ANXA4: variants seen among roughly 807,000 people sequenced by gnomAD.
ANXA4 encodes annexin A4, also known as 35-beta calcimedin.
Under a neutral mutation model 49.8 loss-of-function variants are expected in ANXA4, and 39 were observed. That is an observed-to-expected ratio of 0.78 (90% CI 0.61 to 1.02). The LOEUF (loss-of-function observed/expected upper bound fraction) is 1.02, where lower values mean the gene tolerates loss of function less well. ANXA4 is among the 50% of genes least tolerant of loss of function. The pLI is 0.00. For missense variants in ANXA4, 360 were observed against 410.1 expected (o/e 0.88, Z 1.05); for synonymous variants, 134 against 152.5 (o/e 0.88, Z 0.89).
chr2:69,726,023 T>C (rs975194306), intron 3 of ANXA4, among the ~76,000 whole-genome samples: 5 of 152,198 alleles, frequency 3.3e-5, no homozygotes, highest in Admixed American at 2.0e-4. Flanking sequence ...TTGAAAATAA[T>C]TTTTCCTGAA....
intron 2 of ANXA4, among the ~76,000 whole-genome samples, chr2:69,785,479 A>G (rs554931154): frequency 6.6e-6 from 1 of 152,292 alleles, no homozygotes; most frequent in African/African-American, 2.4e-5. Context: ...GCTTGTGTGG[A>G]GGTATAATAC....
chr2:69,723,001 T>G (rs1669853802), intron 3 of ANXA4, among the ~76,000 whole-genome samples: 1 of 140,154 alleles, frequency 7.1e-6, no homozygotes, highest in Admixed American at 7.4e-5. Flanking sequence ...TGAAACTCCA[T>G]CTCTACTAAA....
chr2:69,798,431 A>G (rs889772713), intron 3 of ANXA4, among the ~76,000 whole-genome samples: 1 of 152,238 alleles, frequency 6.6e-6, no homozygotes, highest in African/African-American at 2.4e-5. Flanking sequence ...TGGAGATCCT[A>G]TGGCTGACAC....
intron 2 of ANXA4, among the ~76,000 whole-genome samples, chr2:69,679,085 C>T (rs1261475743): frequency 6.6e-6 from 1 of 151,966 alleles, no homozygotes; most frequent in Non-Finnish European, 1.5e-5. Flanking sequence ...ATACACATTA[C>T]ATATTTATTA....
At chr2:69,727,355 A>G (rs992824512) in intron 3 of ANXA4, among the ~76,000 whole-genome samples, 1 of 152,210 alleles carries the variant, frequency 6.6e-6, no homozygotes, top group African/African-American at 2.4e-5. Context: ...GGTTCTACCA[A>G]TTTACATCCC....
intron 2 of ANXA4, among the ~76,000 whole-genome samples, chr2:69,709,918 A>G (rs1189258899): frequency 1.3e-5 from 2 of 151,974 alleles, no homozygotes; most frequent in Non-Finnish European, 2.9e-5. Context: ...AGGTAACTTA[A>G]ACACCAGCCA....
chr2:69,760,307 A>G (rs191488507), intron 1 of ANXA4, among the ~76,000 whole-genome samples: 75 of 152,376 alleles, frequency 4.9e-4, no homozygotes, highest in African/African-American at 1.5e-3. Context: ...GTCGTTTTTG[A>G]ATACACATAT....
chr2:69,740,462 T>A (rs1352983402), upstream of ANXA4, among the ~76,000 whole-genome samples: 2 of 152,010 alleles, frequency 1.3e-5, no homozygotes, highest in Non-Finnish European at 2.9e-5. Flanking sequence ...TTTGTTTTTG[T>A]TTTTGTTTTG....
At chr2:69,747,720 C>G (rs987021921) in intron 1 of ANXA4, among the ~76,000 whole-genome samples, 4 of 152,134 alleles carry the variant, frequency 2.6e-5, no homozygotes, top group Admixed American at 2.6e-4. Flanking sequence ...GGGTCTTGCT[C>G]TGTAGTCCAG....
Position 69,670,168 on chromosome 2 carries a change from G to A in ANXA4, n.766+16886G>A, listed in dbSNP as rs1160385726. ...TAAAAAATGACAAATGGCCAGGCAC[G>A]GTGGCTCATGCCTGTAATCCCAGCA... is the stretch of plus-strand genomic sequence containing the variant. On this transcript the variant is annotated intron_variant and non_coding_transcript_variant, in intron 2 of 3. Transcript: ENST00000418066. Among the ~76,000 whole-genome samples the A allele has an allele frequency of 4.6e-5, 7 of 152,056 alleles. No homozygotes were observed. The East Asian group carries it at 9.6e-4, about 21-fold the overall frequency.
rs1672775009 is a variant in ANXA4 at position 69,793,214 on chromosome 2, T to C, written c.97+5073T>C. Among the ~76,000 whole-genome samples, 4 of 139,866 alleles carry C rather than the reference T, an allele frequency of 2.9e-5. 1 individual carries two copies. Among genetic ancestry groups the C allele is most frequent in the Admixed American group, 1.7e-4 (2 of 11,776 alleles). 91.8% of individuals were successfully genotyped at this position (139,866 alleles called of 152,430 possible). ...TTGCAGTGGGCCAAGATCGCACTACTGCACTCCAGTCTGGCGACAGAGCAA... is the reference window on the plus strand; with the variant it reads ...TTGCAGTGGGCCAAGATCGCACTACCGCACTCCAGTCTGGCGACAGAGCAA... On this transcript the variant is annotated intron_variant, in intron 3 of 12. Coordinates refer to ENST00000394295, the MANE Select transcript of ANXA4 (RefSeq NM_001153.5).
At chr2:69,824,087 T>C (rs1674357458) in intron 12 of ANXA4, among the ~76,000 whole-genome samples, 1 of 151,846 alleles carries the variant, frequency 6.6e-6, no homozygotes, top group Non-Finnish European at 1.5e-5. Flanking sequence ...TCTAAAAATA[T>C]AATAAAAATA....
intron 3 of ANXA4, among the ~76,000 whole-genome samples, chr2:69,726,594 A>G (rs1669968630): frequency 6.6e-6 from 1 of 152,228 alleles, no homozygotes; most frequent in Non-Finnish European, 1.5e-5. Flanking sequence ...AAGTGAACAC[A>G]ACCATGTAAT....
intron 3 of ANXA4, among the ~76,000 whole-genome samples, chr2:69,724,786 C>T (rs1669915444): frequency 1.1e-5 from 1 of 93,088 alleles, no homozygotes. Context: ...TGAACTCATT[C>T]GGCCACGCTG....
chr2:69,654,603 G>A (rs1676369376), intron 2 of ANXA4, among the ~76,000 whole-genome samples: 1 of 152,190 alleles, frequency 6.6e-6, no homozygotes, highest in South Asian at 2.1e-4. Context: ...ACTTGCATAT[G>A]TTGAACCAGC....
intron 2 of ANXA4, among the ~76,000 whole-genome samples, chr2:69,703,832 A>G (rs899275391): frequency 3.9e-5 from 6 of 152,008 alleles, no homozygotes; most frequent in Admixed American, 2.0e-4. Flanking sequence ...TTATTTACTT[A>G]TTTTAGTGAT....
chr2:69,675,217 C>T (rs1170093980), intron 2 of ANXA4, among the ~76,000 whole-genome samples: 4 of 152,126 alleles, frequency 2.6e-5, no homozygotes, highest in Non-Finnish European at 4.4e-5. Context: ...CCACCGCGCC[C>T]GGCCCAAACT....
At chr2:69,752,894 C>T (rs1374193442) in intron 1 of ANXA4, among the ~76,000 whole-genome samples, 1 of 152,242 alleles carries the variant, frequency 6.6e-6, no homozygotes, top group African/African-American at 2.4e-5. Flanking sequence ...TCCAAGCTAA[C>T]TAGTCTTTTC....
chr2:69,781,636 C>G, intron 2 of ANXA4, 62 bp downstream of exon 2: 2 of 1,586,896 alleles, frequency 1.3e-6, no homozygotes, highest in Non-Finnish European at 8.7e-7. Context: ...AGAATGTGGG[C>G]TCAGCAACTG....
Sources: allele counts gnomAD v4.1 joint callset (sites outside exome capture counted in the v4.1 genomes callset), GRCh38; gene constraint gnomAD v4.1.1; transcripts MANE v1.5; gene names NCBI Gene and HGNC (gene_info 2026-07-23, HGNC 2026-07-21).